Variants in SETBP1 observed in about 807,000 individuals in gnomAD.
SETBP1 encodes the protein SET binding protein 1.
Under a neutral mutation model 101.0 loss-of-function variants are expected in SETBP1, and 9 were observed. That is an observed-to-expected ratio of 0.09 (90% CI 0.05 to 0.16). SETBP1 has a LOEUF of 0.16. Among genes scored for constraint, SETBP1 ranks in the 10% least tolerant of loss-of-function variants. The pLI, the probability that SETBP1 is intolerant of heterozygous loss-of-function variation, is 1.00. For missense variants in SETBP1, 1,858 were observed against 2,033.8 expected, an observed-to-expected ratio of 0.91 and a Z score of 1.66; for synonymous variants, 818 against 788.5, an observed-to-expected ratio of 1.04 and a Z score of -0.63.
At chr18:44,958,333 A>G (rs2071537164) in intron 4 of SETBP1, among the ~76,000 whole-genome samples, 1 of 152,184 alleles carries the variant, frequency 6.6e-6, no homozygotes, top group South Asian at 2.1e-4. Context: ...AGCTCCAGCC[A>G]TTTCACTTAG....
intron 2 of SETBP1, among the ~76,000 whole-genome samples, chr18:44,818,155 C>T (rs1389887581): frequency 6.6e-6 from 1 of 152,182 alleles, no homozygotes; most frequent in Non-Finnish European, 1.5e-5. Flanking sequence ...ACTTCGTCTG[C>T]CTAACCCCAC....
At chr18:44,830,420 CT>C (rs1190107189) in intron 2 of SETBP1, among the ~76,000 whole-genome samples, 1 of 152,202 alleles carries the variant, frequency 6.6e-6, no homozygotes, top group Non-Finnish European at 1.5e-5. Context: ...CTCAAAGGCT[CT>C]TTCCAGAATG....
chr18:44,711,290 G>C (rs1393039176), intron 2 of SETBP1, among the ~76,000 whole-genome samples: 2 of 112,186 alleles, frequency 1.8e-5, no homozygotes, highest in African/African-American at 3.6e-5. Flanking sequence ...GATTGTTTCT[G>C]CTGCTTGGCT....
intron 4 of SETBP1, among the ~76,000 whole-genome samples, chr18:45,020,623 T>C (rs939055356): frequency 2.0e-5 from 3 of 152,170 alleles, no homozygotes; most frequent in African/African-American, 4.8e-5. Context: ...TTAGAGGCCA[T>C]AAAGAAACTC....
chr18:44,698,291 G>T (rs983007747), intron 1 of SETBP1, among the ~76,000 whole-genome samples: 3 of 152,152 alleles, frequency 2.0e-5, no homozygotes, highest in Admixed American at 2.0e-4. Flanking sequence ...CCATGTACCA[G>T]AATTATCTTC....
intron 3 of SETBP1, among the ~76,000 whole-genome samples, chr18:44,911,720 G>A (rs1490520922): frequency 3.3e-5 from 5 of 152,118 alleles, no homozygotes; most frequent in Admixed American, 1.3e-4. Flanking sequence ...CAATGAAATC[G>A]TTCATCAGAA....
chr18:45,041,972 A>G (rs540436497), intron 5 of SETBP1, among the ~76,000 whole-genome samples: 128 of 152,114 alleles, frequency 8.4e-4, no homozygotes, highest in Admixed American at 2.5e-3. Context: ...AAAATAAAAA[A>G]TTTTAAAAAA....
At chr18:44,748,832 C>T (rs74728237) in intron 2 of SETBP1, among the ~76,000 whole-genome samples, 13,641 of 152,156 alleles carry the variant, frequency 0.09, 635 homozygotes, top group Admixed American at 0.14. Context: ...GATCATGCAA[C>T]GAGACATATT....
At chr18:44,773,868 G>GTGTGTGTGTGTGTGTGTC (rs2070934830) in intron 2 of SETBP1, among the ~76,000 whole-genome samples, 1 of 151,546 alleles carries the variant, frequency 6.6e-6, no homozygotes. Flanking sequence ...GTGTGTGTGT[G>GTGTGTGTGTGTGTGTGTC]TGTCTTTCTT....
chr18:44,949,569 T>C (rs2071286671), intron 3 of SETBP1, among the ~76,000 whole-genome samples: 1 of 152,236 alleles, frequency 6.6e-6, no homozygotes, highest in African/African-American at 2.4e-5. Flanking sequence ...AAGTGACCTT[T>C]GTGTCCCCTC....
chr18:45,064,348 A>G lies in SETBP1; in HGVS notation c.*650A>G, dbSNP rs1274896916. On this transcript the variant is annotated 3_prime_UTR_variant, in exon 6 of 6. Coordinates refer to ENST00000649279, the MANE Select transcript of SETBP1 (RefSeq NM_015559.3). ...GTTCTGTGTGCCTCTTCTATTGCAC[A>G]TACACTGATTTTTAGCATTGTCTAT... 2.6e-5 allele frequency: 4 copies of G among 151,956 alleles called. No homozygotes were observed. 9.4% of individuals were successfully genotyped at this position (151,956 alleles called of 1,614,324 possible). A position where few individuals can be genotyped will look rare whatever the true frequency, so the allele number is the denominator to read the frequency against.
chr18:44,724,239 G>C (rs1479128396), intron 2 of SETBP1, among the ~76,000 whole-genome samples: 3 of 152,192 alleles, frequency 2.0e-5, no homozygotes, highest in Non-Finnish European at 4.4e-5. Context: ...CAGGGGTTTA[G>C]AAGCAAATTA....
intron 4 of SETBP1, among the ~76,000 whole-genome samples, chr18:44,965,276 T>C (rs1245788310): frequency 1.4e-5 from 1 of 69,326 alleles, no homozygotes; most frequent in African/African-American, 6.5e-5. Flanking sequence ...GACAGACACA[T>C]GCACACAAAC....
At chr18:44,757,388 T>C (rs2070521726) in intron 2 of SETBP1, among the ~76,000 whole-genome samples, 1 of 152,240 alleles carries the variant, frequency 6.6e-6, no homozygotes, top group African/African-American at 2.4e-5. Context: ...TGGCATTCTG[T>C]AGAGCCTGCC....
At chr18:44,866,743 C>A (rs2069137972) in intron 2 of SETBP1, among the ~76,000 whole-genome samples, 1 of 152,184 alleles carries the variant, frequency 6.6e-6, no homozygotes, top group African/African-American at 2.4e-5. Context: ...CTTTTATTTT[C>A]CGTCCTTTCC....
intron 4 of SETBP1, 47 bp downstream of exon 4, chr18:44,953,387 C>A: frequency 6.5e-7 from 1 of 1,531,568 alleles, no homozygotes; most frequent in Non-Finnish European, 9.0e-7. Context: ...TATTTCATTG[C>A]TGGGCTTTGC....
chr18:44,902,157 G>T (rs71356464), intron 3 of SETBP1, among the ~76,000 whole-genome samples: 5 of 152,168 alleles, frequency 3.3e-5, no homozygotes, highest in Admixed American at 1.3e-4. Flanking sequence ...GGACAGTGCA[G>T]GTGTGTAATA....
intron 1 of SETBP1, among the ~76,000 whole-genome samples, chr18:44,696,175 T>A (rs2069015316): frequency 6.6e-6 from 1 of 152,220 alleles, no homozygotes; most frequent in Non-Finnish European, 1.5e-5. Context: ...TTGGCCATGG[T>A]GCTAGGTGTT....
intron 2 of SETBP1, among the ~76,000 whole-genome samples, chr18:44,775,251 A>G (rs1285975464): frequency 1.3e-5 from 2 of 152,212 alleles, no homozygotes; most frequent in Non-Finnish European, 1.5e-5. Flanking sequence ...ACAAAGTTGA[A>G]TAAGATGTTC....
Sources: allele counts gnomAD v4.1 joint callset (sites outside exome capture counted in the v4.1 genomes callset), GRCh38; gene constraint gnomAD v4.1.1; transcripts MANE v1.5; gene names NCBI Gene and HGNC (gene_info 2026-07-23, HGNC 2026-07-21).